DENND1A: variants seen among roughly 807,000 people sequenced by gnomAD.
DENND1A encodes DENN domain-containing protein 1A.
DENND1A carries 51 observed loss-of-function variants against 113.7 expected under a neutral mutation model. The observed-to-expected ratio is 0.45, with a 90% confidence interval of 0.36 to 0.57. DENND1A has a LOEUF of 0.57. Ranked by LOEUF, DENND1A falls within the 20% of genes least tolerant of loss-of-function variation. The pLI is 0.00. For synonymous variants in DENND1A, 565 were observed against 570.8 expected (o/e 0.99, Z 0.14); for missense variants, 1,258 against 1,395.9 (o/e 0.90, Z 1.57).
intron 10 of DENND1A, among the ~76,000 whole-genome samples, chr9:123,614,251 G>T (rs2060543049): frequency 8.5e-5 from 13 of 152,152 alleles, no homozygotes; most frequent in Admixed American, 8.5e-4. Context: ...TGCACATGAG[G>T]TCACACAGCA....
Position 123,440,392 on chromosome 9 carries a change from C to A in DENND1A, c.1456G>T (p.Asp486Tyr). 2 of 1,600,758 alleles carry A rather than the reference C, an allele frequency of 1.2e-6. No homozygotes were observed. Among genetic ancestry groups the A allele is most frequent in the South Asian group, 1.1e-5 (1 of 89,574 alleles). The change falls in exon 19 of 24, where the codon GAC becomes TAC. Residue 486 changes from aspartate (D) to tyrosine (Y), a missense_variant. By Grantham distance (160) the Asp-to-Tyr change is radical (BLOSUM62 -3). Transcript: ENST00000394215. ...VEAKDPKLRE[D>Y]RRPITVHFGQ... ...AAGTGGACTGTGATTGGCCGCCGGT[C>A]TTCTCGGAGCTTGGGGTCCTTGGCC...
intron 7 of DENND1A, 120 bp from the exon 8 acceptor site, chr9:123,667,199 C>A: frequency 1.1e-6 from 1 of 910,210 alleles, no homozygotes; most frequent in Non-Finnish European, 1.7e-6. Flanking sequence ...CGGTTTCACT[C>A]AGAAGAAACA....
intron 12 of DENND1A, among the ~76,000 whole-genome samples, chr9:123,567,299 A>G (rs2058108136): frequency 6.6e-6 from 1 of 152,244 alleles, no homozygotes; most frequent in Non-Finnish European, 1.5e-5. Context: ...TTCAGTTGTC[A>G]ACATGAATAA....
intron 2 of DENND1A, among the ~76,000 whole-genome samples, chr9:123,807,470 C>T (rs371783920): frequency 3.9e-5 from 6 of 152,328 alleles, no homozygotes; most frequent in East Asian, 3.9e-4. Flanking sequence ...AATCATTTCT[C>T]GTCTTCGACT....
At chr9:123,671,954 C>T (rs2063785945) in intron 6 of DENND1A, among the ~76,000 whole-genome samples, 1 of 152,152 alleles carries the variant, frequency 6.6e-6, no homozygotes, top group African/African-American at 2.4e-5. Flanking sequence ...ATGGATTCAC[C>T]TCTAAAATGC....
chr9:123,515,004 C>T (rs761699591), intron 13 of DENND1A, among the ~76,000 whole-genome samples: 11 of 152,300 alleles, frequency 7.2e-5, no homozygotes, highest in South Asian at 6.2e-4. Flanking sequence ...GTCACATAAT[C>T]ACATTGTGGG....
chr9:123,542,460 C>T (rs1386285756), intron 13 of DENND1A, among the ~76,000 whole-genome samples: 1 of 152,118 alleles, frequency 6.6e-6, no homozygotes, highest in Non-Finnish European at 1.5e-5. Flanking sequence ...GGAGCGATCA[C>T]CAAATAGCCT....
chr9:123,855,530 T>C (rs922876715), intron 2 of DENND1A, among the ~76,000 whole-genome samples: 1 of 152,128 alleles, frequency 6.6e-6, no homozygotes, highest in Non-Finnish European at 1.5e-5. Context: ...AGAAGGTCAA[T>C]GACAGGCAGT....
At chr9:123,778,542 T>C (rs1447336286) in intron 3 of DENND1A, among the ~76,000 whole-genome samples, 2 of 152,234 alleles carry the variant, frequency 1.3e-5, no homozygotes, top group Non-Finnish European at 2.9e-5. Context: ...ATGTGTAACT[T>C]ATAACCTAAG....
intron 2 of DENND1A, among the ~76,000 whole-genome samples, chr9:123,818,010 G>A (rs1171828745): frequency 6.6e-6 from 1 of 151,482 alleles, no homozygotes; most frequent in African/African-American, 2.4e-5. Flanking sequence ...CTGACCAACA[G>A]AGTGAGACTC....
intron 2 of DENND1A, among the ~76,000 whole-genome samples, chr9:123,799,279 T>A (rs1289066583): frequency 6.6e-6 from 1 of 152,196 alleles, no homozygotes; most frequent in Non-Finnish European, 1.5e-5. Context: ...ATAGAGACTA[T>A]CAAATCAATT....
intron 13 of DENND1A, among the ~76,000 whole-genome samples, chr9:123,487,258 TG>T (rs1484089539): frequency 9.2e-5 from 14 of 152,314 alleles, no homozygotes; most frequent in African/African-American, 3.4e-4. Flanking sequence ...CTATCCTCTT[TG>T]CTCAAGTTCG....
chr9:123,875,246 A>G (rs1336024907), intron 2 of DENND1A, among the ~76,000 whole-genome samples: 1 of 152,196 alleles, frequency 6.6e-6, no homozygotes, highest in East Asian at 1.9e-4. Context: ...TGATTATCAT[A>G]AAAGTCAGGA....
At chr9:123,602,869 A>G (rs2059994159) in intron 11 of DENND1A, among the ~76,000 whole-genome samples, 1 of 152,186 alleles carries the variant, frequency 6.6e-6, no homozygotes, top group Admixed American at 6.5e-5. Flanking sequence ...AATTTTACGT[A>G]GAGATGAGGT....
At chr9:123,823,743 T>C (rs1838873267) in intron 2 of DENND1A, among the ~76,000 whole-genome samples, 1 of 152,018 alleles carries the variant, frequency 6.6e-6, no homozygotes, top group Non-Finnish European at 1.5e-5. Flanking sequence ...GGTGATAGCG[T>C]GGGAGCAGAA....
Position 123,382,624 on chromosome 9 carries a change from C to T in DENND1A, c.2021G>A (p.Arg674Lys), listed in dbSNP as rs1198066099. The change falls in exon 24 of 24, where the codon AGG becomes AAG. Residue 674 changes from arginine (R) to lysine (K), a missense_variant and splice_region_variant. By Grantham distance (26) the Arg-to-Lys change is conservative. Coordinates refer to ENST00000394215, the MANE Select transcript of DENND1A (RefSeq NM_001352964.2). ...REQPGTFDYQ[R>K]LDLGGSERSR... The stretch of plus-strand genomic sequence containing the variant: ...CCTCTCACTCCCGCCCAGATCCAGC[C>T]TCTGTTGGGAGGGAAGGAGGGCGGC... 6.2e-7 allele frequency: 1 copy of T among 1,613,792 alleles called. No homozygotes were observed. Among genetic ancestry groups the T allele is most frequent in the African/African-American group, 1.3e-5 (1 of 74,922 alleles).
chr9:123,637,528 CTG>C (rs1234187412), intron 9 of DENND1A, among the ~76,000 whole-genome samples: 2 of 152,208 alleles, frequency 1.3e-5, no homozygotes, highest in Non-Finnish European at 2.9e-5. Context: ...TGCAGGGACT[CTG>C]TGAAGTCAAC....
chr9:123,753,237 T>C (rs2070216190), intron 5 of DENND1A, among the ~76,000 whole-genome samples: 1 of 152,180 alleles, frequency 6.6e-6, no homozygotes, highest in Non-Finnish European at 1.5e-5. Flanking sequence ...CAGAATATTC[T>C]TCAATAAACT....
chr9:123,851,481 C>T (rs1488725356), intron 2 of DENND1A, among the ~76,000 whole-genome samples: 1 of 152,108 alleles, frequency 6.6e-6, no homozygotes, highest in South Asian at 2.1e-4. Flanking sequence ...AAGATCAAAT[C>T]CAGGGTACTC....
Sources: allele counts gnomAD v4.1 joint callset (sites outside exome capture counted in the v4.1 genomes callset), GRCh38; gene constraint gnomAD v4.1.1; transcripts MANE v1.5; gene names NCBI Gene and HGNC (gene_info 2026-07-23, HGNC 2026-07-21).